Variants in POLDIP3 observed in about 807,000 individuals in gnomAD.
POLDIP3 encodes DNA polymerase delta interacting protein 3.
A neutral mutation model predicts 45.1 loss-of-function variants in POLDIP3; 14 were observed. The ratio of observed to expected loss-of-function variants is 0.31; its 90% confidence interval spans 0.20 to 0.49. The LOEUF (loss-of-function observed/expected upper bound fraction) is 0.49, where lower values mean the gene tolerates loss of function less well. Among genes scored for constraint, POLDIP3 ranks in the 20% least tolerant of loss-of-function variants. POLDIP3 has a pLI of 0.99. For missense variants in POLDIP3, 511 were observed against 538.8 expected, an observed-to-expected ratio of 0.95 and a Z score of 0.51; for synonymous variants, 223 against 205.2, an observed-to-expected ratio of 1.09 and a Z score of -0.74.
intron 1 of POLDIP3, among the ~76,000 whole-genome samples, chr22:42,607,634 C>G (rs1420668086): frequency 4.0e-5 from 6 of 151,564 alleles, no homozygotes; most frequent in Admixed American, 3.9e-4. Flanking sequence ...AGCGCCTCTT[C>G]CCGGCCGCCA....
intron 2 of POLDIP3, 196 bp from the exon 3 acceptor site, chr22:42,602,252 G>A: frequency 1.2e-6 from 1 of 863,912 alleles, no homozygotes; most frequent in South Asian, 1.8e-5. Flanking sequence ...TAACGCACAT[G>A]TAGGGCTTAA....
rs550542246 is a variant in POLDIP3, at chr22:42,608,332, AG to A, written c.60-5173del. Among the ~76,000 whole-genome samples, 17 of 145,764 alleles carry A rather than the reference AG, an allele frequency of 1.2e-4. No homozygotes were observed. In the East Asian group the frequency reaches 3.7e-3, roughly 32 times the overall value. On this transcript the variant is annotated intron_variant, in intron 1 of 8. Transcript: ENST00000252115. ...CAGCTACTCAGAAGGCCAAGGCAGG[AG>A]GATCAACTAAGCCCAGGAGGTCCAG...
chr22:42,612,555 G>A (rs921675119), intron 1 of POLDIP3, among the ~76,000 whole-genome samples: 5 of 152,200 alleles, frequency 3.3e-5, no homozygotes, highest in African/African-American at 9.7e-5. Flanking sequence ...CTGGCCCGGC[G>A]CAGTGTCTCA....
rs1021521672 is a variant in POLDIP3, at chr22:42,585,606, GAA to G, written c.*183_*184del. The G allele has an allele frequency of 3.0e-6, 2 of 666,588 alleles. No individual in the cohort carries two copies. Among genetic ancestry groups the G allele is most frequent in the African/African-American group, 1.8e-5 (1 of 54,940 alleles). 41.3% of individuals were successfully genotyped at this position (666,588 alleles called of 1,614,324 possible). On this transcript the variant is annotated 3_prime_UTR_variant, in exon 9 of 9. Transcript: ENST00000252115. ...ACTACAGGAAACGTTAACGTAGAGA[GAA>G]GAGCACAGGGCAGAACACAACACAG...
chr22:42,592,430 G>A (rs1031911439), intron 6 of POLDIP3, among the ~76,000 whole-genome samples: 1 of 152,230 alleles, frequency 6.6e-6, no homozygotes, highest in Admixed American at 6.5e-5. Context: ...TGTATACAAA[G>A]AAAGACAGCT....
Position 42,584,809 on chromosome 22 carries a change from C to A in POLDIP3, c.*982G>T. On this transcript the variant is annotated 3_prime_UTR_variant, in exon 9 of 9. Coordinates refer to ENST00000252115, the MANE Select transcript of POLDIP3 (RefSeq NM_032311.5). ...TTGGTGGCAGCTGGATATATGCCTC[C>A]AGGCATCCCTGACCACTGTCCTGTA... 2.3e-6 allele frequency: 1 copy of A among 429,534 alleles called. No individual in the cohort carries two copies. Among genetic ancestry groups the A allele is most frequent in the South Asian group, 1.7e-5 (1 of 60,464 alleles). The allele number at this position is 429,534 out of a possible 1,614,324, so 26.6% of individuals were successfully genotyped here.
intron 7 of POLDIP3, among the ~76,000 whole-genome samples, chr22:42,589,953 T>G (rs549521848): frequency 4.7e-5 from 7 of 149,056 alleles, no homozygotes; most frequent in African/African-American, 1.7e-4. Context: ...ATAATAGACA[T>G]GTACAGAACA....
chr22:42,587,595 A>G (rs992577784), intron 7 of POLDIP3, 23 bp from the exon 8 acceptor site: 25 of 1,604,916 alleles, frequency 1.6e-5, no homozygotes, highest in Non-Finnish European at 2.0e-5. Flanking sequence ...AGAAAGAAAA[A>G]GGCTCTGCTA....
Position 42,585,875 on chromosome 22 carries a change from G to T in POLDIP3, c.1182C>A (p.Asp394Glu). Residue 394 changes from aspartate to glutamate, a missense_variant, in exon 9 of 9, where the codon GAC becomes GAA. Physicochemically the swap from Asp to Glu is conservative, Grantham distance 45. Transcript: ENST00000252115. Reference protein sequence around the residue: ...ASSSNPPAEVDPDTILKALFK... With the variant: ...ASSSNPPAEVEPDTILKALFK... ...AGAGTGCCTTCAGGATGGTGTCAGG[G>T]TCCACTTCGGCAGGGGGGTTGGAGG... The T allele has an allele frequency of 6.2e-7, 1 of 1,613,390 alleles. No individual in the cohort carries two copies. Among genetic ancestry groups the T allele is most frequent in the Non-Finnish European group, 8.5e-7 (1 of 1,179,996 alleles).
At chr22:42,600,625 CAAA>C (rs531768394) in intron 3 of POLDIP3, among the ~76,000 whole-genome samples, 1 of 122,148 alleles carries the variant, frequency 8.2e-6, no homozygotes. Flanking sequence ...GACTCGGTCT[CAAA>C]AAAAAAAAAA....
intron 3 of POLDIP3, among the ~76,000 whole-genome samples, chr22:42,600,630 A>C (rs1377422817): frequency 6.6e-6 from 1 of 151,458 alleles, no homozygotes; most frequent in Admixed American, 6.6e-5. Context: ...GGTCTCAAAA[A>C]AAAAAAAAGA....
intron 5 of POLDIP3, 91 bp from the exon 6 acceptor site, chr22:42,595,705 CCA>C (rs1925942327): frequency 8.4e-7 from 1 of 1,188,048 alleles, no homozygotes; most frequent in Non-Finnish European, 1.2e-6. Context: ...CTAGGAAGGC[CCA>C]GAGGAAAGCT....
rs545115505 is a variant in POLDIP3 at position 42,600,001 on chromosome 22, A to G, written c.538-208T>C. Among the ~76,000 whole-genome samples the G allele has an allele frequency of 2.6e-5, 4 of 152,286 alleles. No homozygotes were observed. In the East Asian group the frequency reaches 7.7e-4, roughly 29 times the overall value. On this transcript the variant is annotated intron_variant, in intron 3 of 8. Transcript: ENST00000252115. ...GCAAGGACCCAGTGAAAGTCCTACA[A>G]CTTCCAGATACATCAGAAGTCCCTT...
intron 5 of POLDIP3, among the ~76,000 whole-genome samples, 200 bp downstream of exon 5, chr22:42,595,986 C>G (rs777121147): frequency 2.0e-5 from 3 of 152,300 alleles, no homozygotes; most frequent in African/African-American, 7.2e-5. Flanking sequence ...CACCAGATAC[C>G]GCAATCTCTC....
At chr22:42,613,709 C>A (rs1282495770) in intron 1 of POLDIP3, among the ~76,000 whole-genome samples, 1 of 152,088 alleles carries the variant, frequency 6.6e-6, no homozygotes, top group African/African-American at 2.4e-5. Context: ...TGCAGTGAGC[C>A]GAGATGGCAC....
chr22:42,609,290 G>C (rs73173086), intron 1 of POLDIP3, among the ~76,000 whole-genome samples: 3,233 of 152,296 alleles, frequency 0.021, 61 homozygotes, highest in Non-Finnish European at 0.034. Flanking sequence ...ACTGAGTCTC[G>C]TAATGCCCCA....
chr22:42,614,359 C>T (rs191557760), intron 1 of POLDIP3, among the ~76,000 whole-genome samples: 88 of 152,368 alleles, frequency 5.8e-4, no homozygotes, highest in African/African-American at 2.1e-3. Context: ...GCCTCAGCTT[C>T]GGCGGTCGGA....
chr22:42,605,970 C>T (rs376375105), intron 1 of POLDIP3, among the ~76,000 whole-genome samples: 6 of 151,926 alleles, frequency 3.9e-5, no homozygotes, highest in Non-Finnish European at 8.8e-5. Context: ...GGTGAAACCC[C>T]GTCCCTACTA....
intron 8 of POLDIP3, among the ~76,000 whole-genome samples, chr22:42,586,936 C>T (rs1809146065): frequency 6.6e-6 from 1 of 152,108 alleles, no homozygotes; most frequent in African/African-American, 2.4e-5. Context: ...TCAATGGCTT[C>T]CCACTGTACT....
Sources: gnomAD v4.1 joint callset for allele counts (sites outside exome capture counted in the v4.1 genomes callset) on GRCh38, gnomAD v4.1.1 for gene constraint, MANE v1.5 for transcripts, NCBI Gene and HGNC (gene_info 2026-07-23, HGNC 2026-07-21) for gene names.